MACROD2: variants seen among roughly 807,000 people sequenced by gnomAD.
The protein encoded by MACROD2 is ADP-ribose glycohydrolase MACROD2.
MACROD2 carries 36 observed loss-of-function variants against 70.4 expected under a neutral mutation model. That is an observed-to-expected ratio of 0.51 (90% CI 0.39 to 0.68). The LOEUF (loss-of-function observed/expected upper bound fraction) is 0.68. Ranked by LOEUF, MACROD2 falls within the 30% of genes least tolerant of loss-of-function variation. The pLI is 0.00. For synonymous variants in MACROD2, 172 were observed against 178.8 expected, an observed-to-expected ratio of 0.96 and a Z score of 0.30; for missense variants, 496 against 538.4, an observed-to-expected ratio of 0.92 and a Z score of 0.78.
At chr20:15,272,872 T>C (rs1443696089) in intron 6 of MACROD2, among the ~76,000 whole-genome samples, 1 of 152,202 alleles carries the variant, frequency 6.6e-6, no homozygotes, top group Non-Finnish European at 1.5e-5. Flanking sequence ...GCCCATCCAA[T>C]GCCCCTTTCC....
At chr20:14,848,177 A>T (rs1165216614) in intron 5 of MACROD2, among the ~76,000 whole-genome samples, 1 of 152,196 alleles carries the variant, frequency 6.6e-6, no homozygotes, top group Non-Finnish European at 1.5e-5. Flanking sequence ...TAGGTGAAAC[A>T]ATGCTTCCCT....
chr20:15,642,854 A>G (rs2049483741), intron 8 of MACROD2, among the ~76,000 whole-genome samples: 1 of 151,986 alleles, frequency 6.6e-6, no homozygotes, highest in African/African-American at 2.4e-5. Context: ...TGCCACATGC[A>G]TACACACGGG....
rs1366953695 is a variant in MACROD2 at position 15,922,687 on chromosome 20, A to C, written c.776-10589A>C. Among the ~76,000 whole-genome samples the C allele has an allele frequency of 3.9e-5, 6 of 152,342 alleles. No individual in the cohort carries two copies. The East Asian group carries it at 7.7e-4, about 20-fold the overall frequency. On this transcript the variant is annotated intron_variant, in intron 10 of 17. Transcript: ENST00000684519. ...CTCCAGGACTGGAATTAGGTGCTTA[A>C]GAGCACCTGCTGCCCTCCCTGCTTC...
At chr20:15,729,830 G>GTTTTTTTTTTTTTTT (rs1487779107) in intron 8 of MACROD2, among the ~76,000 whole-genome samples, 19 of 9,980 alleles carry the variant, frequency 1.9e-3, no homozygotes, top group Non-Finnish European at 3.7e-3. Context: ...GTTGGGTCAT[G>GTTTTTTTTTTTTTTT]CTTTTTTTTT....
chr20:15,361,096 G>T (rs1018901763), intron 6 of MACROD2, among the ~76,000 whole-genome samples: 4 of 151,994 alleles, frequency 2.6e-5, no homozygotes, highest in Non-Finnish European at 4.4e-5. Context: ...TTCTTTTACA[G>T]ATCATGCTTT....
intron 6 of MACROD2, among the ~76,000 whole-genome samples, chr20:15,386,016 C>T (rs890062997): frequency 6.6e-6 from 1 of 152,100 alleles, no homozygotes; most frequent in African/African-American, 2.4e-5. Flanking sequence ...AAAAGCTGCT[C>T]GGTTTCAGTC....
At chr20:14,594,806 C>T (rs552567502) in intron 4 of MACROD2, among the ~76,000 whole-genome samples, 29 of 152,258 alleles carry the variant, frequency 1.9e-4, no homozygotes, top group African/African-American at 5.3e-4. Context: ...GCAGGAGAAT[C>T]GCTTGAACCC....
At chr20:14,383,518 G>A (rs1236961552) in intron 3 of MACROD2, among the ~76,000 whole-genome samples, 1 of 152,146 alleles carries the variant, frequency 6.6e-6, no homozygotes, top group East Asian at 1.9e-4. Flanking sequence ...TTAGTCATCT[G>A]TAAAATAGAG....
intron 12 of MACROD2, among the ~76,000 whole-genome samples, chr20:15,958,571 T>C (rs956843169): frequency 1.3e-5 from 2 of 152,212 alleles, no homozygotes; most frequent in Admixed American, 6.5e-5. Flanking sequence ...CTTCTTCTGA[T>C]GTGCAGCAGG....
At chr20:15,995,861 GT>G (rs1481337148) in intron 15 of MACROD2, among the ~76,000 whole-genome samples, 7 of 13,816 alleles carry the variant, frequency 5.1e-4, no homozygotes, top group South Asian at 1.6e-3. Context: ...AATGTGAGGT[GT>G]GTGTGTGTGT....
At chr20:15,875,450 A>G (rs558830913) in intron 9 of MACROD2, among the ~76,000 whole-genome samples, 1 of 152,172 alleles carries the variant, frequency 6.6e-6, no homozygotes, top group Admixed American at 6.6e-5. Context: ...GATGTTTAGA[A>G]TTCTGCAAGA....
chr20:14,184,217 G>A (rs145304384), intron 3 of MACROD2, among the ~76,000 whole-genome samples: 1 of 152,270 alleles, frequency 6.6e-6, no homozygotes, highest in East Asian at 1.9e-4. Context: ...TGTGGTGTAA[G>A]TAAGGGGTCT....
chr20:14,664,515 A>AC lies in MACROD2; in HGVS notation c.302-20326dup, dbSNP rs563208759. ...AAGATTTACTTTGGAACTTGTTTGG[A>AC]CCATTATCAACACGTTAGTTTTGGT... On this transcript the variant is annotated intron_variant, in intron 4 of 17. Transcript: ENST00000684519. Among the ~76,000 whole-genome samples the AC allele has an allele frequency of 8.8e-4, 134 of 152,038 alleles. 3 individuals are homozygous for AC. The highest frequency in any genetic ancestry group is 8.4e-3 in the Admixed American group (128 of 15,236).
chr20:14,544,392 A>G (rs533957855), intron 4 of MACROD2, among the ~76,000 whole-genome samples: 109 of 152,246 alleles, frequency 7.2e-4, no homozygotes, highest in Middle Eastern at 3.4e-3. Context: ...TAATTCAGTG[A>G]TCTAGATCTC....
chr20:14,409,627 C>G (rs1461043299), intron 3 of MACROD2, among the ~76,000 whole-genome samples: 1 of 152,070 alleles, frequency 6.6e-6, no homozygotes, highest in Non-Finnish European at 1.5e-5. Flanking sequence ...TAGCATGACA[C>G]TTTGAGTCAG....
intron 3 of MACROD2, chr20:14,324,841 A>T (rs903695572): frequency 3.9e-5 from 6 of 152,184 alleles, no homozygotes; most frequent in African/African-American, 1.4e-4. Flanking sequence ...GAAGTCCTTT[A>T]TTTTCAAAGC....
chr20:14,628,849 A>T (rs1297208851), intron 4 of MACROD2: 2 of 152,186 alleles, frequency 1.3e-5, no homozygotes, highest in Non-Finnish European at 2.9e-5. Context: ...TTGAATTAGA[A>T]GATACTATTT....
intron 5 of MACROD2, among the ~76,000 whole-genome samples, chr20:15,186,000 A>G (rs1441108416): frequency 1.3e-5 from 2 of 152,188 alleles, no homozygotes; most frequent in East Asian, 3.9e-4. Context: ...TATGTCAACA[A>G]AAGACTGGGG....
At position 14,835,526 on chromosome 20, in the gene MACROD2, A is replaced by G. The variant is rs1449705082; in HGVS notation, c.418+150567A>G. Among the ~76,000 whole-genome samples the G allele has an allele frequency of 2.6e-5, 4 of 152,054 alleles. No homozygotes were observed. The East Asian group carries it at 7.7e-4, about 29-fold the overall frequency. ...AGTCCTTGGTCTACTAGAGAAAAAG[A>G]CTTAGAAATCTAGGCTCTTAAAGTC... On this transcript the variant is annotated intron_variant, in intron 5 of 17. Transcript: ENST00000684519.
Sources: gnomAD v4.1 joint callset for allele counts (sites outside exome capture counted in the v4.1 genomes callset) on GRCh38, gnomAD v4.1.1 for gene constraint, MANE v1.5 for transcripts, NCBI Gene and HGNC (gene_info 2026-07-23, HGNC 2026-07-21) for gene names.